Variants in ADRA1A observed in about 807,000 individuals in gnomAD.
ADRA1A encodes the protein alpha-1A adrenergic receptor.
In ADRA1A, 31 loss-of-function variants were observed where a neutral mutation model predicts 29.6. That is an observed-to-expected ratio of 1.05 (90% CI 0.79 to 1.41). ADRA1A has a LOEUF of 1.41. Among genes scored for constraint, ADRA1A ranks in the 40% most tolerant of loss-of-function variants. The probability of loss-of-function intolerance (pLI) is 0.00; values close to 1 mark genes in which losing one functional copy is unlikely to be tolerated. For missense variants in ADRA1A, 619 were observed against 601.1 expected, an observed-to-expected ratio of 1.03 and a Z score of -0.31; for synonymous variants, 311 against 254.3, an observed-to-expected ratio of 1.22 and a Z score of -2.12.
intron 2 of ADRA1A, among the ~76,000 whole-genome samples, chr8:26,862,675 G>T (rs1195763983): frequency 2.0e-5 from 3 of 152,158 alleles, no homozygotes; most frequent in African/African-American, 7.2e-5. Flanking sequence ...GCCAGGTATT[G>T]GATTAAGGAG....
In ADRA1A at chr8:26,841,645, T is replaced by C. The variant is rs1013067282; in HGVS notation, c.883+22442A>G. Among the ~76,000 whole-genome samples the C allele has an allele frequency of 6.6e-5, 10 of 152,270 alleles. No individual in the cohort carries two copies. Among genetic ancestry groups the C allele is most frequent in the African/African-American group, 2.4e-4 (10 of 41,556 alleles). ...ATTTCCACATCCTCCATGACAAGCC[T>C]CCTGTCCCTAACATTCAGCTGAAAC... On this transcript the variant is annotated intron_variant, in intron 2 of 2. Coordinates refer to ENST00000380573, the MANE Select transcript of ADRA1A (RefSeq NM_000680.4). The surrounding 1 kb of genome is among the most constrained non-coding windows in gnomAD (Gnocchi z 4.4).
intron 2 of ADRA1A, among the ~76,000 whole-genome samples, chr8:26,776,348 G>C (rs1013005565): frequency 6.6e-6 from 1 of 152,146 alleles, no homozygotes; most frequent in Non-Finnish European, 1.5e-5. Context: ...CAGCTTCTGC[G>C]CTTCATTTTA....
At chr8:26,759,612 A>C (rs12674917) in intron 2 of ADRA1A, among the ~76,000 whole-genome samples, 4 of 151,946 alleles carry the variant, frequency 2.6e-5, no homozygotes, top group African/African-American at 4.8e-5. Context: ...TCCAGGACTG[A>C]CTCGGGGAGG....
chr8:26,758,577 G>A (rs922606286), intron 2 of ADRA1A, among the ~76,000 whole-genome samples: 2 of 152,178 alleles, frequency 1.3e-5, no homozygotes, highest in Non-Finnish European at 2.9e-5. Context: ...GCTCAAGAGA[G>A]GTCACGTGAT....
chr8:26,766,817 G>A (rs1030094727), downstream of ADRA1A, among the ~76,000 whole-genome samples: 2 of 151,888 alleles, frequency 1.3e-5, no homozygotes, highest in East Asian at 3.9e-4. Flanking sequence ...AGAGGCAATG[G>A]GTGCAAAATT....
rs1326028660 is a variant in ADRA1A, at chr8:26,860,140, T to C, written c.883+3947A>G. ...ACCACCACTTCTCTCCACCACAACA[T>C]CTTCTCCTCCACACTGCTGACTCCC... On this transcript the variant is annotated intron_variant, in intron 2 of 2. Coordinates refer to ENST00000380573, the MANE Select transcript of ADRA1A (RefSeq NM_000680.4). This position sits in a 1 kb window ranked among gnomAD's most constrained non-coding sequence, Gnocchi z 4.7. 6.6e-6 allele frequency among the ~76,000 whole-genome samples: 1 copy of C among 152,044 alleles called. No homozygotes were observed. The highest frequency in any genetic ancestry group is 1.5e-5 in the Non-Finnish European group (1 of 68,008).
Position 26,865,234 on chromosome 8 carries a change from C to T in ADRA1A, c.-265G>A, listed in dbSNP as rs1813822509. On this transcript the variant is annotated 5_prime_UTR_variant, in exon 2 of 3. Transcript: ENST00000380573. This position sits in a 1 kb window ranked among gnomAD's most constrained non-coding sequence, Gnocchi z 7.6. ...GCTGCCGGGGACCCTCTCCACCTGC[C>T]GGGCTGGCCTAGCCCGGGACCCGGA... 2.3e-6 allele frequency: 3 copies of T among 1,313,962 alleles called. No individual in the cohort carries two copies. Among genetic ancestry groups the T allele is most frequent in the African/African-American group, 3.0e-5 (2 of 67,254 alleles). The allele number at this position is 1,313,962 out of a possible 1,614,324, so 81.4% of individuals were successfully genotyped here.
intron 2 of ADRA1A, among the ~76,000 whole-genome samples, chr8:26,758,942 A>G (rs1805354309): frequency 6.6e-6 from 1 of 152,216 alleles, no homozygotes; most frequent in Non-Finnish European, 1.5e-5. Context: ...ACCTTACCAT[A>G]TCATGTGCAA....
Position 26,865,200 on chromosome 8 carries a change from G to C in ADRA1A, c.-231C>G. 1 of 1,375,798 alleles carries C rather than the reference G, an allele frequency of 7.3e-7. No individual in the cohort carries two copies. Among genetic ancestry groups the C allele is most frequent in the Non-Finnish European group, 9.4e-7 (1 of 1,066,784 alleles). 85.2% of individuals were successfully genotyped at this position (1,375,798 alleles called of 1,614,324 possible). On this transcript the variant is annotated 5_prime_UTR_variant, in exon 2 of 3. Coordinates refer to ENST00000380573, the MANE Select transcript of ADRA1A (RefSeq NM_000680.4). The surrounding 1 kb of genome is among the most constrained non-coding windows in gnomAD (Gnocchi z 7.6). ...CAGGGCATTAAAGACATGGCCAGGG[G>C]CGCGCGGGGCTGCCGGGGACCCTCT...
chr8:26,854,899 A>G (rs992509025), intron 2 of ADRA1A, among the ~76,000 whole-genome samples: 20 of 152,234 alleles, frequency 1.3e-4, no homozygotes, highest in African/African-American at 4.3e-4. Context: ...TTGGGAGGTG[A>G]TGCAGAAAGA....
chr8:26,756,331 A>G, downstream of ADRA1A: 2 of 804,096 alleles, frequency 2.5e-6, no homozygotes, highest in Admixed American at 7.2e-5. Flanking sequence ...ATTTTAACCC[A>G]TAAAAGTTCC....
rs773352464 is a variant in ADRA1A, at chr8:26,771,543, C to A, written c.884-877G>T. Among the ~76,000 whole-genome samples, 4 of 152,220 alleles carry A rather than the reference C, an allele frequency of 2.6e-5. No individual in the cohort carries two copies. The South Asian group carries it at 8.3e-4, about 31-fold the overall frequency. ...AGGCCTCAGGACCCGTCACATCCTGCGCAGAGACTGCCACAGGGCATTTCG... is the reference window on the plus strand; with the variant it reads ...AGGCCTCAGGACCCGTCACATCCTGAGCAGAGACTGCCACAGGGCATTTCG... On this transcript the variant is annotated intron_variant, in intron 2 of 2. Transcript: ENST00000380573.
intron 2 of ADRA1A, among the ~76,000 whole-genome samples, chr8:26,844,021 G>A (rs1380785830): frequency 6.6e-6 from 1 of 152,150 alleles, no homozygotes; most frequent in Non-Finnish European, 1.5e-5. Flanking sequence ...AACAAGTATT[G>A]TGATACAGGT....
At chr8:26,862,026 C>G (rs1813509311) in intron 2 of ADRA1A, among the ~76,000 whole-genome samples, 1 of 152,150 alleles carries the variant, frequency 6.6e-6, no homozygotes, top group Admixed American at 6.5e-5. Context: ...GCTAAACACC[C>G]TTGAATGACT....
chr8:26,863,972 T>C, intron 2 of ADRA1A, 115 bp downstream of exon 2: 2 of 1,087,544 alleles, frequency 1.8e-6, no homozygotes, highest in Non-Finnish European at 2.6e-6. Context: ...CCTAGAGCTG[T>C]GCTGTTTGAA....
intron 2 of ADRA1A, among the ~76,000 whole-genome samples, chr8:26,809,860 C>T (rs1043824889): frequency 1.3e-5 from 2 of 152,216 alleles, no homozygotes; most frequent in African/African-American, 4.8e-5. Context: ...TGGCTTACCT[C>T]TCTAAATAGC....
intron 2 of ADRA1A, among the ~76,000 whole-genome samples, chr8:26,828,250 T>C (rs973037627): frequency 6.6e-6 from 1 of 152,224 alleles, no homozygotes; most frequent in Non-Finnish European, 1.5e-5. Flanking sequence ...ATTAAGAAAC[T>C]GTTCTTGGAG....
rs949355094 is a variant in ADRA1A at position 26,866,839 on chromosome 8, GGC to G, written c.-687+95_-687+96del. 9.1e-6 allele frequency: 9 copies of G among 985,122 alleles called. No homozygotes were observed. In the African/African-American group the frequency reaches 1.6e-4, roughly 17 times the overall value. 61.0% of individuals were successfully genotyped at this position (985,122 alleles called of 1,614,324 possible). On this transcript the variant is annotated intron_variant, in intron 1 of 2. Coordinates refer to ENST00000380573, the MANE Select transcript of ADRA1A (RefSeq NM_000680.4). The surrounding 1 kb of genome is among the most constrained non-coding windows in gnomAD (Gnocchi z 5.7). The stretch of plus-strand genomic sequence containing the variant: ...ATAAAACCTGGTGGAAAAAGCGGGA[GGC>G]GCTGGGAAAAGTGGGGGTTCCGTCT...
chr8:26,847,488 A>C (rs1812297725), intron 2 of ADRA1A, among the ~76,000 whole-genome samples: 1 of 152,194 alleles, frequency 6.6e-6, no homozygotes, highest in South Asian at 2.1e-4. Flanking sequence ...AAACAACATG[A>C]AAATTCCAGG....
Sources: allele counts gnomAD v4.1 joint callset (sites outside exome capture counted in the v4.1 genomes callset), GRCh38; gene constraint gnomAD v4.1.1; non-coding constraint Gnocchi (gnomAD v3.1); transcripts MANE v1.5; gene names NCBI Gene and HGNC (gene_info 2026-07-23, HGNC 2026-07-21).